SDK1: variants seen among roughly 807,000 people sequenced by gnomAD.
The protein encoded by SDK1 is protein sidekick-1.
A neutral mutation model predicts 245.5 loss-of-function variants in SDK1; 157 were observed. The observed-to-expected ratio is 0.64, with a 90% CI of 0.56 to 0.73. The LOEUF is 0.73. Among genes scored for constraint, SDK1 ranks in the 30% least tolerant of loss-of-function variants. SDK1 has a pLI of 0.00. For synonymous variants in SDK1, 1,647 were observed against 1,278.5 expected (o/e 1.29, Z -6.15); for missense variants, 3,583 against 3,002.3 (o/e 1.19, Z -4.52).
intron 4 of SDK1, among the ~76,000 whole-genome samples, chr7:3,752,625 G>A (rs1039348979): frequency 3.9e-5 from 6 of 152,064 alleles, no homozygotes; most frequent in Non-Finnish European, 7.4e-5. Flanking sequence ...TTCTAGCATG[G>A]ATTTACGTCA....
intron 5 of SDK1, among the ~76,000 whole-genome samples, chr7:3,944,078 G>C (rs1156903371): frequency 2.0e-5 from 3 of 152,220 alleles, no homozygotes; most frequent in Non-Finnish European, 4.4e-5. Flanking sequence ...TTGAGGGAAG[G>C]AGTGTTCTAG....
intron 4 of SDK1, among the ~76,000 whole-genome samples, chr7:3,664,652 A>G (rs1783470728): frequency 6.6e-6 from 1 of 151,804 alleles, no homozygotes; most frequent in Non-Finnish European, 1.5e-5. Flanking sequence ...AGGCACAAGA[A>G]TCGCTTGAAC....
At chr7:3,961,710 G>A (rs1405762898) in intron 8 of SDK1, among the ~76,000 whole-genome samples, 2 of 152,204 alleles carry the variant, frequency 1.3e-5, no homozygotes, top group Admixed American at 1.3e-4. Flanking sequence ...CAACCCCTTT[G>A]ATAGGGGGTG....
intron 28 of SDK1, among the ~76,000 whole-genome samples, chr7:4,144,480 C>T (rs933341697): frequency 1.3e-5 from 2 of 149,212 alleles, no homozygotes; most frequent in Non-Finnish European, 1.5e-5. Context: ...GCGGTGATGC[C>T]TGGGGCCTGA....
chr7:3,840,268 A>AG (rs1166730009), intron 5 of SDK1, among the ~76,000 whole-genome samples: 1 of 152,180 alleles, frequency 6.6e-6, no homozygotes, highest in African/African-American at 2.4e-5. Context: ...GCGGAAGAGG[A>AG]GGGGGAGAAG....
intron 4 of SDK1, among the ~76,000 whole-genome samples, chr7:3,680,471 A>G (rs747711681): frequency 1.3e-5 from 2 of 152,206 alleles, no homozygotes; most frequent in South Asian, 4.1e-4. Flanking sequence ...AAATGAGTAC[A>G]TGGAAAAATG....
At position 3,351,088 on chromosome 7, in the gene SDK1, G is replaced by C. The variant is rs1327362581; in HGVS notation, c.298+49204G>C. 2.6e-5 allele frequency among the ~76,000 whole-genome samples: 4 copies of C among 152,286 alleles called. No homozygotes were observed. The East Asian group carries it at 5.8e-4, about 22-fold the overall frequency. ...TAGAAGAATAAAAAATTTGAAAACA[G>C]CTTGGTTACTGACTAAGCTGCAGCA... On this transcript the variant is annotated intron_variant, in intron 1 of 44. Transcript: ENST00000404826.
intron 22 of SDK1, among the ~76,000 whole-genome samples, chr7:4,093,688 C>T (rs995119753): frequency 2.0e-5 from 3 of 152,196 alleles, no homozygotes; most frequent in Non-Finnish European, 2.9e-5. Context: ...TCGACAGCGA[C>T]AGCGTTTGGA....
chr7:3,753,639 G>A (rs915944535), intron 4 of SDK1, among the ~76,000 whole-genome samples: 13 of 152,232 alleles, frequency 8.5e-5, no homozygotes, highest in Admixed American at 6.5e-4. Context: ...ACGTTCTCCC[G>A]ACAATTCTGT....
chr7:3,414,482 G>GT (rs1779307243), intron 1 of SDK1, among the ~76,000 whole-genome samples: 1 of 152,112 alleles, frequency 6.6e-6, no homozygotes, highest in Non-Finnish European at 1.5e-5. Context: ...GTATGTTTTA[G>GT]TTTTTTTCTT....
At chr7:3,338,327 T>G in intron 1 of SDK1, 1 of 501,084 alleles carries the variant, frequency 2.0e-6, no homozygotes, top group South Asian at 2.0e-5. Context: ...ACGATGTTAC[T>G]CAGCATGCTG....
intron 1 of SDK1, among the ~76,000 whole-genome samples, chr7:3,389,258 T>C (rs1781685555): frequency 6.6e-6 from 1 of 152,140 alleles, no homozygotes; most frequent in African/African-American, 2.4e-5. Context: ...CAGATATGAT[T>C]AAGTTAAAGA....
At chr7:3,340,015 T>C (rs1293154402) in intron 1 of SDK1, among the ~76,000 whole-genome samples, 2 of 152,076 alleles carry the variant, frequency 1.3e-5, no homozygotes, top group Admixed American at 6.5e-5. Context: ...AGGATATCAC[T>C]ACAGAGGCTG....
chr7:3,860,818 C>T (rs1415124059), intron 5 of SDK1, among the ~76,000 whole-genome samples: 1 of 152,154 alleles, frequency 6.6e-6, no homozygotes, highest in African/African-American at 2.4e-5. Flanking sequence ...TAACAATATG[C>T]AGCCAATCAC....
chr7:3,682,120 C>T (rs1333243508), intron 4 of SDK1, among the ~76,000 whole-genome samples: 1 of 152,144 alleles, frequency 6.6e-6, no homozygotes, highest in Non-Finnish European at 1.5e-5. Flanking sequence ...GATTATGATG[C>T]TAAAAATTAC....
chr7:4,140,970 G>C (rs1779547100), intron 28 of SDK1, among the ~76,000 whole-genome samples: 1 of 152,202 alleles, frequency 6.6e-6, no homozygotes, highest in African/African-American at 2.4e-5. Context: ...TTAATACCAA[G>C]AGATGAGAAC....
chr7:3,603,701 C>G (rs535655444), intron 1 of SDK1, among the ~76,000 whole-genome samples: 45 of 152,238 alleles, frequency 3.0e-4, no homozygotes, highest in African/African-American at 1.0e-3. Flanking sequence ...TTGCCCTGGC[C>G]AGAACTTCCA....
chr7:3,767,372 C>G (rs1039023037), intron 4 of SDK1, among the ~76,000 whole-genome samples: 2 of 152,104 alleles, frequency 1.3e-5, no homozygotes, highest in African/African-American at 2.4e-5. Flanking sequence ...AAAGAACACA[C>G]AAATAAACAA....
intron 5 of SDK1, among the ~76,000 whole-genome samples, chr7:3,922,938 A>G (rs1779644158): frequency 6.6e-6 from 1 of 152,166 alleles, no homozygotes; most frequent in Admixed American, 6.5e-5. Flanking sequence ...TCTTTTCCTC[A>G]TCATAGCTAA....
Sources: gnomAD v4.1 joint callset for allele counts (sites outside exome capture counted in the v4.1 genomes callset) on GRCh38, gnomAD v4.1.1 for gene constraint, MANE v1.5 for transcripts, NCBI Gene and HGNC (gene_info 2026-07-23, HGNC 2026-07-21) for gene names.